FOCAD: variants seen among roughly 807,000 people sequenced by gnomAD.
The protein encoded by FOCAD is KIAA1797.
FOCAD carries 198 observed loss-of-function variants against 225.6 expected under a neutral mutation model. That is an observed-to-expected ratio of 0.88 (90% CI 0.78 to 0.99). The LOEUF is 0.99. Among genes scored for constraint, FOCAD ranks in the 50% least tolerant of loss-of-function variants. The pLI is 0.00. For synonymous variants in FOCAD, 897 were observed against 755.0 expected (o/e 1.19, Z -3.08); for missense variants, 2,713 against 2,123.6 (o/e 1.28, Z -5.46).
intron 2 of FOCAD, among the ~76,000 whole-genome samples, chr9:20,667,499 A>T (rs1050543058): frequency 6.6e-6 from 1 of 152,220 alleles, no homozygotes; most frequent in Non-Finnish European, 1.5e-5. Context: ...CCTTTGTTTT[A>T]ACCTCATCCA....
chr9:20,815,123 G>GTGTTTTTTTT (rs1564024181), intron 11 of FOCAD, among the ~76,000 whole-genome samples: 1,696 of 85,174 alleles, frequency 0.02, 219 homozygotes, highest in South Asian at 0.036. Flanking sequence ...ACTTCTCTTT[G>GTGTTTTTTTT]TTTTTTTTTT....
At chr9:20,987,530 T>C (rs952012289) in intron 40 of FOCAD, among the ~76,000 whole-genome samples, 4 of 152,052 alleles carry the variant, frequency 2.6e-5, no homozygotes, top group African/African-American at 9.7e-5. Flanking sequence ...AAAGAAATTT[T>C]GATTCATCAT....
chr9:20,840,363 A>C (rs1010107994), intron 15 of FOCAD, among the ~76,000 whole-genome samples: 6 of 151,746 alleles, frequency 4.0e-5, no homozygotes, highest in African/African-American at 1.2e-4. Flanking sequence ...TATAGCATTC[A>C]TTGTAGATCT....
rs140085815 is a variant in FOCAD, at chr9:20,720,555, GGTCA to G, written c.287+24_287+27del. On this transcript the variant is annotated intron_variant, in intron 4 of 43. Transcript: ENST00000338382. Reference sequence around the variant, plus strand: ...ACCAGGTACTTTTTCCTCAGTGTTTGGTCAGTTAATGATTTAAGTTTTTAGGAAA... The same window carrying G: ...ACCAGGTACTTTTTCCTCAGTGTTTGGTTAATGATTTAAGTTTTTAGGAAA... 4.1e-3 allele frequency: 6,624 copies of G among 1,610,584 alleles called. 242 individuals are homozygous for G. In the African/African-American group the frequency reaches 0.078, roughly 19 times the overall value.
intron 42 of FOCAD, among the ~76,000 whole-genome samples, chr9:20,991,719 A>G (rs943503423): frequency 3.3e-5 from 5 of 149,900 alleles, no homozygotes; most frequent in Non-Finnish European, 5.9e-5. Context: ...AGACTGAGGC[A>G]GGAGAATCGC....
intron 21 of FOCAD, among the ~76,000 whole-genome samples, chr9:20,900,102 T>G (rs959929826): frequency 6.6e-6 from 1 of 151,998 alleles, no homozygotes; most frequent in Non-Finnish European, 1.5e-5. Context: ...AGGTGAATGA[T>G]AGTTTCCTTC....
rs73426725 is a variant in FOCAD at position 20,932,531 on chromosome 9, A to T, written c.3318-483A>T. Among the ~76,000 whole-genome samples, 953 of 152,064 alleles carry T rather than the reference A, an allele frequency of 6.3e-3. 10 individuals are homozygous for T. The highest frequency in any genetic ancestry group is 0.021 in the African/African-American group (871 of 41,468). On this transcript the variant is annotated intron_variant, in intron 27 of 43. Coordinates refer to ENST00000338382, the MANE Select transcript of FOCAD (RefSeq NM_001375567.1). The stretch of plus-strand genomic sequence containing the variant: ...TATAGGTCTAGGATTTTCTCCCCTT[A>T]AAAAAAAGTAAGTAAAGGAATAGAA...
At chr9:20,675,598 A>C (rs538339611) in intron 2 of FOCAD, among the ~76,000 whole-genome samples, 1 of 152,232 alleles carries the variant, frequency 6.6e-6, no homozygotes, top group Non-Finnish European at 1.5e-5. Flanking sequence ...CAAAAATAAC[A>C]AAAGAGTTGA....
At chr9:20,820,489 A>G (rs527285897) in intron 13 of FOCAD, 64 bp downstream of exon 13, 2 of 1,358,282 alleles carry the variant, frequency 1.5e-6, no homozygotes, top group East Asian at 2.3e-5. Context: ...GAAAATAATT[A>G]TGTCATATAT....
chr9:20,963,888 T>C (rs184354354), intron 35 of FOCAD, among the ~76,000 whole-genome samples: 1 of 152,304 alleles, frequency 6.6e-6, no homozygotes, highest in Non-Finnish European at 1.5e-5. Context: ...TTTGCCTTGC[T>C]TGTTTCTTCT....
chr9:20,663,582 TA>T (rs1482149299), intron 2 of FOCAD, among the ~76,000 whole-genome samples: 1 of 152,112 alleles, frequency 6.6e-6, no homozygotes, highest in Admixed American at 6.6e-5. Flanking sequence ...GACATTTTAT[TA>T]AATGCTATGC....
Position 20,881,957 on chromosome 9 carries a change from G to A in FOCAD, c.2404G>A (p.Ala802Thr). The A allele has an allele frequency of 1.9e-6, 3 of 1,613,930 alleles. No homozygotes were observed. The highest frequency in any genetic ancestry group is 2.5e-6 in the Non-Finnish European group (3 of 1,179,882). ...ATATCACTCTGCATTAAAAGGAGGT[G>A]CCCGCTCAGACCAAGGAAAGACTGT... ...GIYHSALKGG[A>T]RSDQGKTVAG... The change falls in exon 20 of 44, where the codon GCC (alanine) becomes ACC (threonine). Residue 802 changes from alanine to threonine, a missense_variant. By Grantham distance (58) the Ala-to-Thr change is moderately conservative (BLOSUM62 0). Coordinates refer to ENST00000338382, the MANE Select transcript of FOCAD (RefSeq NM_001375567.1).
intron 34 of FOCAD, chr9:20,952,558 G>A (rs917849825): frequency 1.5e-5 from 3 of 194,594 alleles, no homozygotes; most frequent in Non-Finnish European, 2.1e-5. Flanking sequence ...GAATTTCTAT[G>A]GTTCATATAT....
upstream of FOCAD, among the ~76,000 whole-genome samples, chr9:20,681,973 T>C (rs971788550): frequency 6.6e-6 from 1 of 152,196 alleles, no homozygotes; most frequent in African/African-American, 2.4e-5. Context: ...AGTTAATGTG[T>C]TGAAGCCTAA....
In FOCAD at chr9:20,673,421, G is replaced by A. The variant is rs186929529; in HGVS notation, c.-78+14595G>A. Among the ~76,000 whole-genome samples the A allele has an allele frequency of 2.0e-3, 304 of 152,108 alleles. 1 individual carries two copies. The highest frequency in any genetic ancestry group is 6.8e-3 in the South Asian group (33 of 4,830). ...TAAGGGTTCTAATTTCTCTGCATCG[G>A]CATCATTTATTGTCTTTTTTATTAT... On this transcript the variant is annotated intron_variant, in intron 2 of 45. Transcript: ENST00000380249.
At chr9:20,840,121 G>C (rs114345731) in intron 15 of FOCAD, among the ~76,000 whole-genome samples, 105 of 151,960 alleles carry the variant, frequency 6.9e-4, no homozygotes, top group African/African-American at 2.3e-3. Context: ...GTTTTTGCTC[G>C]GGATGGTTTT....
At chr9:20,829,356 T>C (rs182184609) in intron 15 of FOCAD, among the ~76,000 whole-genome samples, 1 of 152,276 alleles carries the variant, frequency 6.6e-6, no homozygotes, top group East Asian at 1.9e-4. Context: ...TATAAACTTG[T>C]GGTTTTGATT....
intron 20 of FOCAD, among the ~76,000 whole-genome samples, chr9:20,883,355 C>A (rs1478692143): frequency 6.6e-6 from 1 of 152,072 alleles, no homozygotes; most frequent in Non-Finnish European, 1.5e-5. Context: ...AGCAAGGAGA[C>A]AAGAAAATCT....
intron 1 of FOCAD, among the ~76,000 whole-genome samples, chr9:20,698,325 A>G (rs1226367692): frequency 6.6e-6 from 1 of 151,930 alleles, no homozygotes; most frequent in Non-Finnish European, 1.5e-5. Flanking sequence ...ATTTCTCTCT[A>G]TATTACTCAC....
Sources: gnomAD v4.1 joint callset for allele counts (sites outside exome capture counted in the v4.1 genomes callset) on GRCh38, gnomAD v4.1.1 for gene constraint, MANE v1.5 for transcripts, NCBI Gene and HGNC (gene_info 2026-07-23, HGNC 2026-07-21) for gene names.